PID1: variants seen among roughly 807,000 people sequenced by gnomAD.
PID1 encodes the protein phosphotyrosine interaction domain containing 1, also known as PTB-containing, cubilin and LRP1-interacting protein.
In PID1, 10 loss-of-function variants were observed where a neutral mutation model predicts 19.1. The ratio of observed to expected loss-of-function variants is 0.52; its 90% CI spans 0.32 to 0.89. The LOEUF (loss-of-function observed/expected upper bound fraction) is 0.89, where lower values mean the gene tolerates loss of function less well. Ranked by LOEUF, PID1 falls within the 40% of genes least tolerant of loss-of-function variation. PID1 has a pLI of 0.03. For synonymous variants in PID1, 130 were observed against 116.0 expected (o/e 1.12, Z -0.78); for missense variants, 248 against 285.3 (o/e 0.87, Z 0.94).
chr2:229,156,522 A>G (rs138162334), intron 1 of PID1, among the ~76,000 whole-genome samples: 2 of 152,142 alleles, frequency 1.3e-5, no homozygotes, highest in East Asian at 3.9e-4. Flanking sequence ...CATATGCAAC[A>G]TCCATTGGCT....
chr2:229,162,163 A>G (rs1690504087), intron 1 of PID1, among the ~76,000 whole-genome samples: 2 of 152,218 alleles, frequency 1.3e-5, no homozygotes, highest in African/African-American at 4.8e-5. Context: ...GGCTTTCTGC[A>G]TTGGGTGTTT....
chr2:229,120,631 AAT>A (rs1559242483), intron 2 of PID1, among the ~76,000 whole-genome samples: 2 of 149,800 alleles, frequency 1.3e-5, no homozygotes, highest in South Asian at 2.1e-4. Flanking sequence ...AGATATATAC[AAT>A]ATATATGTAT....
intron 2 of PID1, among the ~76,000 whole-genome samples, chr2:229,096,914 A>C (rs1243773428): frequency 6.6e-6 from 1 of 152,150 alleles, no homozygotes; most frequent in East Asian, 1.9e-4. Flanking sequence ...AAAATAAACA[A>C]ATCGAAAGTG....
intron 1 of PID1, among the ~76,000 whole-genome samples, chr2:229,224,229 T>C (rs533939843): frequency 4.6e-5 from 7 of 152,322 alleles, no homozygotes; most frequent in East Asian, 1.9e-4. Flanking sequence ...TACACTGTTG[T>C]TGGGAATGTA....
intron 2 of PID1, among the ~76,000 whole-genome samples, chr2:229,057,513 A>G (rs1269415732): frequency 6.6e-6 from 1 of 152,048 alleles, no homozygotes; most frequent in African/African-American, 2.4e-5. Context: ...AAGCTACTGC[A>G]TTTTGCCTTA....
At chr2:229,198,431 T>C (rs1160327110) in intron 1 of PID1, among the ~76,000 whole-genome samples, 1 of 152,078 alleles carries the variant, frequency 6.6e-6, no homozygotes, top group Non-Finnish European at 1.5e-5. Flanking sequence ...TCCAGCTATA[T>C]TCCAATAACT....
intron 1 of PID1, among the ~76,000 whole-genome samples, chr2:229,186,142 C>T (rs1423344673): frequency 6.6e-6 from 1 of 152,232 alleles, no homozygotes; most frequent in African/African-American, 2.4e-5. Context: ...CCTCCTTTGA[C>T]TCCATGTCTC....
intron 2 of PID1, among the ~76,000 whole-genome samples, chr2:229,029,538 TTC>T (rs1319132991): frequency 6.6e-6 from 1 of 152,044 alleles, no homozygotes; most frequent in Non-Finnish European, 1.5e-5. Flanking sequence ...AGCGTGGCGG[TTC>T]TCCAAAAAAT....
chr2:229,224,075 C>T (rs1692028402), intron 1 of PID1, among the ~76,000 whole-genome samples: 1 of 152,168 alleles, frequency 6.6e-6, no homozygotes, highest in African/African-American at 2.4e-5. Flanking sequence ...AGGATAATGG[C>T]TTCCAGCTGC....
At chr2:229,076,472 C>A (rs1223090320) in intron 2 of PID1, among the ~76,000 whole-genome samples, 1 of 151,954 alleles carries the variant, frequency 6.6e-6, no homozygotes, top group Non-Finnish European at 1.5e-5. Context: ...TATACATGTG[C>A]CATGGTGGTT....
At chr2:229,211,701 A>C (rs2106249855) in intron 1 of PID1, among the ~76,000 whole-genome samples, 1 of 152,332 alleles carries the variant, frequency 6.6e-6, no homozygotes, top group South Asian at 2.1e-4. Flanking sequence ...TGAGTTCCAG[A>C]GGACTTTCCT....
At chr2:229,148,331 G>A (rs1690178124) in intron 2 of PID1, among the ~76,000 whole-genome samples, 1 of 152,144 alleles carries the variant, frequency 6.6e-6, no homozygotes. Flanking sequence ...AGTAGCATAA[G>A]GAGTGTGTAT....
chr2:229,266,729 T>C (rs6754229), intron 1 of PID1, among the ~76,000 whole-genome samples: 21,392 of 152,240 alleles, frequency 0.14, 1,611 homozygotes, highest in Middle Eastern at 0.23. Context: ...TCAGTTTCTC[T>C]CTAAAATGCG....
chr2:229,197,455 T>C (rs549247604), intron 1 of PID1, among the ~76,000 whole-genome samples: 6 of 152,148 alleles, frequency 3.9e-5, no homozygotes, highest in African/African-American at 1.2e-4. Context: ...AGAAGATACA[T>C]TATACATAGC....
chr2:229,033,377 C>T (rs941047854), intron 2 of PID1, among the ~76,000 whole-genome samples: 4 of 152,098 alleles, frequency 2.6e-5, no homozygotes, highest in South Asian at 2.1e-4. Context: ...GAATAAAGAC[C>T]TTCTAGAGGT....
chr2:229,151,522 ATGTCAGTTCTGTGTTAT>A (rs1031355603), intron 2 of PID1, among the ~76,000 whole-genome samples: 1 of 151,692 alleles, frequency 6.6e-6, no homozygotes, highest in Non-Finnish European at 1.5e-5. Context: ...CTGTTCTTTA[ATGTCAGTTCTGTGTTAT>A]TGTCAGTTCT....
intron 1 of PID1, among the ~76,000 whole-genome samples, chr2:229,205,596 A>C (rs1691593130): frequency 6.6e-6 from 1 of 152,126 alleles, no homozygotes; most frequent in South Asian, 2.1e-4. Flanking sequence ...TCAACCCTAA[A>C]AAGATATTCT....
At position 229,134,231 on chromosome 2, in the gene PID1, G is replaced by GTTTTTTTTTTTTTTTTTTTTTTTTTT. The variant is rs60513006; in HGVS notation, c.177+21586_177+21587insAAAAAAAAAAAAAAAAAAAAAAAAAA. ...TTCAATAACAATGTTTACTACCTGT[G>GTTTTTTTTTTTTTTTTTTTTTTTTTT]TTTTTTTTTTTTTTTTTTTTTGAGA... On this transcript the variant is annotated intron_variant, in intron 2 of 2. Coordinates refer to ENST00000392055, the MANE Select transcript of PID1 (RefSeq NM_001100818.2). 4.9e-4 allele frequency among the ~76,000 whole-genome samples: 54 copies of GTTTTTTTTTTTTTTTTTTTTTTTTTT among 109,192 alleles called. 3 individuals are homozygous for GTTTTTTTTTTTTTTTTTTTTTTTTTT. Among genetic ancestry groups the GTTTTTTTTTTTTTTTTTTTTTTTTTT allele is most frequent in the East Asian group, 1.3e-3 (4 of 3,196 alleles). 71.6% of individuals were successfully genotyped at this position (109,192 alleles called of 152,430 possible). A position where few individuals can be genotyped will look rare whatever the true frequency, so the allele number is the denominator to read the frequency against.
chr2:229,193,823 A>G (rs1691315634), intron 1 of PID1, among the ~76,000 whole-genome samples: 1 of 152,030 alleles, frequency 6.6e-6, no homozygotes. Context: ...TTATCCGGAA[A>G]GAAAAACAAG....
Sources: allele counts gnomAD v4.1 joint callset (sites outside exome capture counted in the v4.1 genomes callset), GRCh38; gene constraint gnomAD v4.1.1; transcripts MANE v1.5; gene names NCBI Gene and HGNC (gene_info 2026-07-23, HGNC 2026-07-21).